R3HDM1: variants seen among roughly 807,000 people sequenced by gnomAD.
The protein encoded by R3HDM1 is R3H domain-containing protein 1.
In R3HDM1, 46 loss-of-function variants were observed where a neutral mutation model predicts 141.1. The ratio of observed to expected loss-of-function variants is 0.33; its 90% CI spans 0.26 to 0.42. R3HDM1 has a LOEUF of 0.42. Among genes scored for constraint, R3HDM1 ranks in the 10% least tolerant of loss-of-function variants. The pLI, the probability that R3HDM1 is intolerant of heterozygous loss-of-function variation, is 1.00. For synonymous variants in R3HDM1, 435 were observed against 472.9 expected (o/e 0.92, Z 1.04); for missense variants, 1,184 against 1,368.3 (o/e 0.87, Z 2.12).
chr2:135,677,849 AG>A (rs1411678219), intron 20 of R3HDM1, among the ~76,000 whole-genome samples: 2 of 152,156 alleles, frequency 1.3e-5, no homozygotes, highest in African/African-American at 4.8e-5. Flanking sequence ...CCTGAGTCAG[AG>A]GGCATGGGTT....
chr2:135,723,121 A>T (rs1467889659), intron 26 of R3HDM1, among the ~76,000 whole-genome samples: 3 of 151,686 alleles, frequency 2.0e-5, no homozygotes, highest in South Asian at 2.1e-4. Flanking sequence ...TATTTTTTTT[A>T]TTTATTTATT....
At chr2:135,547,255 A>G (rs1028179968) in intron 1 of R3HDM1, among the ~76,000 whole-genome samples, 1 of 152,162 alleles carries the variant, frequency 6.6e-6, no homozygotes. Flanking sequence ...TTAAAAATCA[A>G]AACAGTACAT....
At chr2:135,622,558 T>A (rs2105181866) in intron 6 of R3HDM1, 96 bp from the exon 7 acceptor site, 1 of 1,379,174 alleles carries the variant, frequency 7.3e-7, no homozygotes. Context: ...GTGGGGCATC[T>A]TGTTTTATTT....
chr2:135,662,763 A>G (rs891379449), intron 19 of R3HDM1, among the ~76,000 whole-genome samples: 1 of 152,186 alleles, frequency 6.6e-6, no homozygotes, highest in African/African-American at 2.4e-5. Context: ...CATTAGCTTT[A>G]TATACACTGG....
intron 21 of R3HDM1, among the ~76,000 whole-genome samples, chr2:135,681,238 C>G (rs2070246252): frequency 6.6e-6 from 1 of 152,180 alleles, no homozygotes. Flanking sequence ...TGTTACCAAG[C>G]AAGTCCATTC....
intron 1 of R3HDM1, chr2:135,597,282 CT>C: frequency 1.0e-6 from 1 of 977,112 alleles, no homozygotes; most frequent in African/African-American, 1.8e-5. Flanking sequence ...TCTCTTTACT[CT>C]TTTTAAATGT....
In R3HDM1 at chr2:135,610,124, A is replaced by T. The variant is rs546755036; in HGVS notation, c.171+5108A>T. ...CATTTATTTTAAATATAAAATTCAGAACTCTGTGCTCTGCTTATTAAAGGT... is the reference window on the plus strand; with the variant it reads ...CATTTATTTTAAATATAAAATTCAGTACTCTGTGCTCTGCTTATTAAAGGT... On this transcript the variant is annotated intron_variant, in intron 3 of 26. Coordinates refer to ENST00000683871, the MANE Select transcript of R3HDM1 (RefSeq NM_001378107.1). Among the ~76,000 whole-genome samples the T allele has an allele frequency of 2.2e-4, 33 of 152,330 alleles. No individual in the cohort carries two copies. In the South Asian group the frequency reaches 5.8e-3, roughly 27 times the overall value.
chr2:135,576,592 A>G (rs1250823717), intron 1 of R3HDM1, among the ~76,000 whole-genome samples: 1 of 152,200 alleles, frequency 6.6e-6, no homozygotes, highest in Admixed American at 6.5e-5. Flanking sequence ...CAGCCAAAAA[A>G]TTCAAACTTA....
intron 23 of R3HDM1, among the ~76,000 whole-genome samples, chr2:135,710,536 C>A (rs1181718100): frequency 6.6e-6 from 1 of 152,100 alleles, no homozygotes; most frequent in Non-Finnish European, 1.5e-5. Flanking sequence ...TGCATCCCAG[C>A]TACTCAGGAG....
At chr2:135,584,126 A>G (rs1651812985) in intron 1 of R3HDM1, 1 of 852,348 alleles carries the variant, frequency 1.2e-6, no homozygotes, top group African/African-American at 1.8e-5. Flanking sequence ...TCAGAAGTTC[A>G]AGACCAGCCT....
chr2:135,627,113 A>G (rs569584378), intron 7 of R3HDM1, among the ~76,000 whole-genome samples: 1 of 152,274 alleles, frequency 6.6e-6, no homozygotes, highest in African/African-American at 2.4e-5. Flanking sequence ...CTAATGTTAA[A>G]TTTTGTGAGA....
Position 135,605,023 on chromosome 2 carries a change from A to G in R3HDM1, c.171+7A>G. On this transcript the variant is annotated splice_region_variant and intron_variant, in intron 3 of 26. Transcript: ENST00000683871. ...GAACAATATAGATTTGCAGGTAAAC[A>G]GGAATTTTTCTCTGGCTACAAATAC... is the stretch of plus-strand genomic sequence containing the variant. 1 of 1,565,170 alleles carries G rather than the reference A, an allele frequency of 6.4e-7. No homozygotes were observed. The highest frequency in any genetic ancestry group is 8.7e-7 in the Non-Finnish European group (1 of 1,144,778).
intron 1 of R3HDM1, among the ~76,000 whole-genome samples, chr2:135,557,430 A>T (rs1383219548): frequency 6.6e-6 from 1 of 152,194 alleles, no homozygotes; most frequent in African/African-American, 2.4e-5. Context: ...ACTCAACAAA[A>T]CAGGAGTCAG....
intron 1 of R3HDM1, among the ~76,000 whole-genome samples, chr2:135,601,965 T>A (rs1418306382): frequency 8.9e-5 from 12 of 134,212 alleles, no homozygotes; most frequent in African/African-American, 2.8e-4. Context: ...CCCAGCCAAC[T>A]TTTTTTTTTT....
chr2:135,658,011 T>C (rs1233319188), intron 18 of R3HDM1, among the ~76,000 whole-genome samples: 1 of 152,248 alleles, frequency 6.6e-6, no homozygotes, highest in African/African-American at 2.4e-5. Context: ...CTAGGTTATA[T>C]GGTATAGCCT....
At chr2:135,612,297 G>A (rs550856219) in intron 3 of R3HDM1, among the ~76,000 whole-genome samples, 11 of 152,096 alleles carry the variant, frequency 7.2e-5, no homozygotes, top group African/African-American at 2.4e-4. Context: ...CTGAGAATTC[G>A]TAACCTCTTC....
At chr2:135,683,260 T>C (rs1483387608) in intron 21 of R3HDM1, among the ~76,000 whole-genome samples, 1 of 151,758 alleles carries the variant, frequency 6.6e-6, no homozygotes, top group Non-Finnish European at 1.5e-5. Flanking sequence ...ATGTACAGAA[T>C]TAAAGTTCTC....
chr2:135,654,422 TTTCTTTTG>T (rs1294773078), intron 18 of R3HDM1, among the ~76,000 whole-genome samples: 334 of 144,618 alleles, frequency 2.3e-3, no homozygotes, highest in African/African-American at 6.4e-3. Flanking sequence ...TTTGGAATGT[TTTCTTTTG>T]TTGTTGTTGT....
Position 135,581,410 on chromosome 2 carries a change from G to A in R3HDM1, c.-249-21090G>A, listed in dbSNP as rs1050517217. 3.1e-6 allele frequency: 3 copies of A among 982,392 alleles called. No homozygotes were observed. The African/African-American group carries it at 5.3e-5, about 17-fold the overall frequency. The allele number at this position is 982,392 out of a possible 1,614,324, so 60.9% of individuals were successfully genotyped here. On this transcript the variant is annotated intron_variant, in intron 1 of 26. Coordinates refer to ENST00000683871, the MANE Select transcript of R3HDM1 (RefSeq NM_001378107.1). ...GTGCCTTATTTCTATAATTATCTGT[G>A]TAGTCTTTGAGGCTGGAACTTTGGA... is the stretch of plus-strand genomic sequence containing the variant.
Sources: gnomAD v4.1 joint callset for allele counts (sites outside exome capture counted in the v4.1 genomes callset) on GRCh38, gnomAD v4.1.1 for gene constraint, MANE v1.5 for transcripts, NCBI Gene and HGNC (gene_info 2026-07-23, HGNC 2026-07-21) for gene names.